Variants in SPATA17 observed in about 807,000 individuals in gnomAD.
SPATA17 encodes spermatogenesis-associated protein 17.
A neutral mutation model predicts 62.2 loss-of-function variants in SPATA17; 53 were observed. The ratio of observed to expected loss-of-function variants is 0.85; its 90% confidence interval spans 0.68 to 1.07. The LOEUF is 1.07. SPATA17 is among the 50% of genes least tolerant of loss of function. The pLI is 0.00. For synonymous variants in SPATA17, 146 were observed against 146.8 expected (o/e 0.99, Z 0.04); for missense variants, 466 against 425.5 (o/e 1.10, Z -0.84).
intron 8 of SPATA17, among the ~76,000 whole-genome samples, chr1:217,795,361 TC>T (rs1674107934): frequency 1.5e-5 from 2 of 131,104 alleles, no homozygotes; most frequent in South Asian, 4.8e-4. Context: ...GACAAAAGTC[TC>T]TTTTTTTTTT....
intron 5 of SPATA17, among the ~76,000 whole-genome samples, chr1:217,713,694 G>A (rs970467100): frequency 1.3e-5 from 2 of 152,238 alleles, no homozygotes; most frequent in East Asian, 3.9e-4. Flanking sequence ...TTGGATGCTG[G>A]CATTCTCTGT....
At chr1:217,715,725 T>C (rs973758075) in intron 5 of SPATA17, among the ~76,000 whole-genome samples, 1 of 152,142 alleles carries the variant, frequency 6.6e-6, no homozygotes, top group African/African-American at 2.4e-5. Flanking sequence ...GAACAACTTC[T>C]AGTTGTACTA....
chr1:217,754,759 A>G (rs1673001152), intron 6 of SPATA17, among the ~76,000 whole-genome samples: 2 of 152,130 alleles, frequency 1.3e-5, no homozygotes, highest in South Asian at 4.1e-4. Context: ...TTCAGGCTCT[A>G]GTCTAATCCA....
intron 5 of SPATA17, among the ~76,000 whole-genome samples, chr1:217,693,112 A>C (rs1169993058): frequency 1.4e-5 from 2 of 146,174 alleles, no homozygotes; most frequent in Non-Finnish European, 3.0e-5. Flanking sequence ...CTGTGAATCC[A>C]TCTGGTCCTG....
chr1:217,654,901 T>C (rs538305457), intron 3 of SPATA17, among the ~76,000 whole-genome samples: 33 of 152,042 alleles, frequency 2.2e-4, no homozygotes, highest in East Asian at 1.2e-3. Flanking sequence ...TTAGTAGAGA[T>C]GGGGTTTTGC....
At chr1:217,831,353 C>T (rs958068528) in intron 9 of SPATA17, among the ~76,000 whole-genome samples, 3 of 152,112 alleles carry the variant, frequency 2.0e-5, no homozygotes, top group African/African-American at 2.4e-5. Flanking sequence ...ATCCCAGAGA[C>T]GTTCACTCTT....
At chr1:217,801,963 AT>A (rs1159681341) in intron 9 of SPATA17, 113 bp downstream of exon 9, 5 of 1,111,696 alleles carry the variant, frequency 4.5e-6, no homozygotes, top group East Asian at 2.8e-5. Flanking sequence ...TGGTAACAAC[AT>A]TTTTTATAGC....
intron 5 of SPATA17, among the ~76,000 whole-genome samples, chr1:217,715,072 G>T (rs1186384346): frequency 6.6e-6 from 1 of 151,902 alleles, no homozygotes; most frequent in Non-Finnish European, 1.5e-5. Flanking sequence ...ATGGCATAAG[G>T]GATTTTGTAC....
At chr1:217,781,337 C>T (rs2102976248) in intron 7 of SPATA17, 1 of 152,134 alleles carries the variant, frequency 6.6e-6, no homozygotes, top group South Asian at 2.1e-4. Context: ...AATCTTTGTC[C>T]ATTTAATATT....
At chr1:217,668,406 T>C (rs1264747086) in intron 3 of SPATA17, among the ~76,000 whole-genome samples, 1 of 152,172 alleles carries the variant, frequency 6.6e-6, no homozygotes, top group African/African-American at 2.4e-5. Context: ...GTCTTCACTA[T>C]ATCAAGGGAT....
chr1:217,804,714 A>G (rs1298549652), intron 9 of SPATA17, among the ~76,000 whole-genome samples: 4 of 152,196 alleles, frequency 2.6e-5, no homozygotes, highest in African/African-American at 7.2e-5. Flanking sequence ...AACCTCTTTT[A>G]AAAATGGGCA....
intron 5 of SPATA17, among the ~76,000 whole-genome samples, chr1:217,704,386 G>A (rs1011555141): frequency 1.3e-5 from 2 of 150,528 alleles, no homozygotes; most frequent in Non-Finnish European, 3.0e-5. Context: ...CAGTAGCTGG[G>A]ACTACAGGCG....
chr1:217,682,653 G>A lies in SPATA17; in HGVS notation c.292-605G>A, dbSNP rs552480333. 1.2e-4 allele frequency among the ~76,000 whole-genome samples: 18 copies of A among 152,200 alleles called. No homozygotes were observed. The South Asian group carries it at 3.3e-3, about 28-fold the overall frequency. ...AACTGTTTCCACATCTGTAAATGAG[G>A]TAATGAGTATTTATGTCATAGGAGT... On this transcript the variant is annotated intron_variant, in intron 4 of 10. Transcript: ENST00000366933.
At chr1:217,812,256 A>G (rs956133682) in intron 9 of SPATA17, among the ~76,000 whole-genome samples, 28 of 152,164 alleles carry the variant, frequency 1.8e-4, no homozygotes, top group Non-Finnish European at 2.9e-4. Context: ...GTAAGTAAAT[A>G]CTCTTCCTCT....
intron 6 of SPATA17, among the ~76,000 whole-genome samples, chr1:217,771,166 T>A (rs981419684): frequency 6.6e-6 from 1 of 151,358 alleles, no homozygotes; most frequent in African/African-American, 2.4e-5. Context: ...ATTTCCTGGG[T>A]CTTATTGAGT....
At chr1:217,684,241 T>C (rs6680439) in intron 5 of SPATA17, among the ~76,000 whole-genome samples, 38,318 of 152,046 alleles carry the variant, frequency 0.25, 5,298 homozygotes, top group African/African-American at 0.36. Context: ...TTCCATATTA[T>C]TTTGAAAATA....
intron 6 of SPATA17, among the ~76,000 whole-genome samples, chr1:217,754,351 T>A (rs1235770161): frequency 3.3e-5 from 5 of 152,226 alleles, no homozygotes; most frequent in South Asian, 2.1e-4. Flanking sequence ...GTTCCTTTTT[T>A]AATCACTAAT....
At chr1:217,865,281 C>T (rs939112406) in intron 10 of SPATA17, among the ~76,000 whole-genome samples, 7 of 152,124 alleles carry the variant, frequency 4.6e-5, no homozygotes, top group East Asian at 1.9e-4. Context: ...ATAATTCACC[C>T]GACATCGCCT....
intron 3 of SPATA17, among the ~76,000 whole-genome samples, chr1:217,668,086 T>C (rs1670742818): frequency 1.3e-5 from 2 of 152,210 alleles, no homozygotes. Flanking sequence ...AGGCACTTTT[T>C]TCTGATTTTT....
Sources: allele counts gnomAD v4.1 joint callset (sites outside exome capture counted in the v4.1 genomes callset), GRCh38; gene constraint gnomAD v4.1.1; transcripts MANE v1.5; gene names NCBI Gene and HGNC (gene_info 2026-07-23, HGNC 2026-07-21).